Variants in SMPD3 observed in about 807,000 individuals in gnomAD.
The protein encoded by SMPD3 is nSMase-2.
A neutral mutation model predicts 55.7 loss-of-function variants in SMPD3; 21 were observed. The ratio of observed to expected loss-of-function variants is 0.38; its 90% CI spans 0.27 to 0.54. The LOEUF (loss-of-function observed/expected upper bound fraction) is 0.54, where lower values mean the gene tolerates loss of function less well. Among genes scored for constraint, SMPD3 ranks in the 20% least tolerant of loss-of-function variants. The pLI, the probability that SMPD3 is intolerant of heterozygous loss-of-function variation, is 0.80. For missense variants in SMPD3, 842 were observed against 899.6 expected (o/e 0.94, Z 0.82); for synonymous variants, 457 against 404.3 (o/e 1.13, Z -1.56).
At chr16:68,403,824 G>T (rs765987475) in intron 1 of SMPD3, among the ~76,000 whole-genome samples, 2 of 152,158 alleles carry the variant, frequency 1.3e-5, no homozygotes, top group African/African-American at 2.4e-5. Context: ...TGTAATGAAG[G>T]GGAACAGTTC....
chr16:68,372,245 T>G lies in SMPD3; in HGVS notation c.-64A>C. On this transcript the variant is annotated 5_prime_UTR_variant, in exon 3 of 9. Transcript: ENST00000219334. ...GTGTCCGTGGCAGCTGCGGGCACTT[T>G]CCTGGGCGAGGGTGGGCGAGTTGGG... The G allele has an allele frequency of 1.9e-6, 3 of 1,575,364 alleles. No individual in the cohort carries two copies. The highest frequency in any genetic ancestry group is 2.6e-6 in the Non-Finnish European group (3 of 1,161,688).
rs2151974651 is a variant in SMPD3 at position 68,364,872 on chromosome 16, C to A, written c.1434G>T (p.Leu478=). 1 of 1,613,984 alleles carries A rather than the reference C, an allele frequency of 6.2e-7. No homozygotes were observed. The highest frequency in any genetic ancestry group is 2.2e-5 in the East Asian group (1 of 44,876). ...DSAIRCGQLD[L]LQDWLADFRK... ...GGAAATCAGCCAGCCAGTCCTGAAG[C>A]AGGTCCAGCTGCCCACACCGGATGG... is the stretch of plus-strand genomic sequence containing the variant. The change falls in exon 5 of 9, where the codon CTG becomes CTT. Residue 478 remains leucine, a synonymous_variant. Transcript: ENST00000219334.
chr16:68,402,338 A>C (rs1668305568), intron 1 of SMPD3, among the ~76,000 whole-genome samples: 1 of 152,174 alleles, frequency 6.6e-6, no homozygotes, highest in Non-Finnish European at 1.5e-5. Context: ...GCCAGGAGGC[A>C]GGGATTGATT....
chr16:68,400,680 G>A (rs1441679549), intron 1 of SMPD3, among the ~76,000 whole-genome samples: 3 of 152,170 alleles, frequency 2.0e-5, no homozygotes, highest in Non-Finnish European at 4.4e-5. Flanking sequence ...TTTCAGACTG[G>A]CCATGTGTCC....
At chr16:68,410,162 G>A (rs1490411513) in intron 1 of SMPD3, among the ~76,000 whole-genome samples, 2 of 152,206 alleles carry the variant, frequency 1.3e-5, no homozygotes, top group Non-Finnish European at 2.9e-5. Flanking sequence ...AGTACTCAGA[G>A]GACCTGCAGC....
At chr16:68,384,692 AG>A (rs2090018954) in intron 2 of SMPD3, among the ~76,000 whole-genome samples, 1 of 152,140 alleles carries the variant, frequency 6.6e-6, no homozygotes, top group Non-Finnish European at 1.5e-5. Context: ...CCAGGGAATG[AG>A]GGTTCTGTTT....
chr16:68,429,073 T>C (rs2090459636), intron 1 of SMPD3, among the ~76,000 whole-genome samples: 1 of 152,214 alleles, frequency 6.6e-6, no homozygotes, highest in Non-Finnish European at 1.5e-5. Flanking sequence ...ACATGCGCTA[T>C]GGGCTAGGCC....
intron 1 of SMPD3, among the ~76,000 whole-genome samples, chr16:68,394,230 G>A (rs1484344597): frequency 6.6e-6 from 1 of 151,748 alleles, no homozygotes; most frequent in African/African-American, 2.4e-5. Flanking sequence ...CCTACTTTAG[G>A]GCTGTGATAC....
In SMPD3 at chr16:68,420,899, C is replaced by A. The variant is rs557421701; in HGVS notation, c.-269+27454G>T. ...GTCTTCAGCTAATGCAGAGAGAGAC[C>A]AAATCGCTCCCTCAGCAAGCTATGG... On this transcript the variant is annotated intron_variant, in intron 1 of 8. Transcript: ENST00000219334. 1.6e-4 allele frequency among the ~76,000 whole-genome samples: 25 copies of A among 152,312 alleles called. No homozygotes were observed. In the Middle Eastern group the frequency reaches 0.01, roughly 62 times the overall value.
At chr16:68,361,805 G>T in intron 7 of SMPD3, 46 bp from the exon 8 acceptor site, 1 of 1,599,426 alleles carries the variant, frequency 6.3e-7, no homozygotes, top group Middle Eastern at 1.7e-4. Context: ...GCCCGCCCCT[G>T]TGGGCCTGGC....
At chr16:68,403,021 C>T (rs2090224951) in intron 1 of SMPD3, among the ~76,000 whole-genome samples, 2 of 152,212 alleles carry the variant, frequency 1.3e-5, no homozygotes, top group Non-Finnish European at 2.9e-5. Flanking sequence ...CAGGGTGCAG[C>T]ACAGAGTGTC....
At chr16:68,408,345 G>T (rs1216248771) in intron 1 of SMPD3, among the ~76,000 whole-genome samples, 1 of 152,170 alleles carries the variant, frequency 6.6e-6, no homozygotes, top group African/African-American at 2.4e-5. Context: ...GAATTAATGT[G>T]ACTACTGTTA....
rs375428295 is a variant in SMPD3, at chr16:68,371,516, G to C, written c.666C>G (p.Asp222Glu). The change falls in exon 3 of 9, where the codon GAC (aspartate) becomes GAG (glutamate). Residue 222 changes from aspartate (D) to glutamate (E), a missense_variant. By Grantham distance (45) the Asp-to-Glu change is conservative. This residue lies in a region of SMPD3 where 649 missense variants were observed against 643.6 expected (regional missense o/e 1.01). Coordinates refer to ENST00000219334, the MANE Select transcript of SMPD3 (RefSeq NM_018667.4). ...YKGDGGRHPGDEAANGPASGD... is the reference protein window; with the variant it reads ...YKGDGGRHPGEEAANGPASGD... ...CAGAGGCTGGGCCGTTGGCAGCCTCGTCACCGGGGTGCCGCCCACCGTCAC... is the reference window on the plus strand; with the variant it reads ...CAGAGGCTGGGCCGTTGGCAGCCTCCTCACCGGGGTGCCGCCCACCGTCAC... The C allele has an allele frequency of 2.1e-5, 33 of 1,599,574 alleles. No individual in the cohort carries two copies. The highest frequency in any genetic ancestry group is 2.6e-5 in the Non-Finnish European group (31 of 1,179,430).
chr16:68,445,551 A>AT lies in SMPD3; in HGVS notation c.-269+2801dup, dbSNP rs560524966. ...GAGCCCCCCAATAGAAAGATTTGTG[A>AT]TTTTACCTGACAATGCTCACACTCA... On this transcript the variant is annotated intron_variant, in intron 1 of 8. Transcript: ENST00000219334. 3.3e-5 allele frequency among the ~76,000 whole-genome samples: 5 copies of AT among 152,302 alleles called. No homozygotes were observed. The East Asian group carries it at 9.6e-4, about 29-fold the overall frequency.
intron 1 of SMPD3, among the ~76,000 whole-genome samples, chr16:68,430,104 G>A (rs907867665): frequency 1.3e-5 from 2 of 152,066 alleles, no homozygotes; most frequent in African/African-American, 4.8e-5. Flanking sequence ...TTAAAGTGGG[G>A]CCAGGCTTCC....
At chr16:68,420,601 C>A (rs1380698653) in intron 1 of SMPD3, among the ~76,000 whole-genome samples, 1 of 152,208 alleles carries the variant, frequency 6.6e-6, no homozygotes, top group Non-Finnish European at 1.5e-5. Context: ...GGCTCCTAGG[C>A]AGGCCTGCCT....
intron 1 of SMPD3, among the ~76,000 whole-genome samples, chr16:68,446,740 G>A (rs914358985): frequency 2.6e-5 from 4 of 152,142 alleles, no homozygotes; most frequent in Non-Finnish European, 2.9e-5. Context: ...TCTGGACCCT[G>A]GCCCACTCAC....
chr16:68,416,333 C>A (rs2090339338), intron 1 of SMPD3, among the ~76,000 whole-genome samples: 1 of 152,184 alleles, frequency 6.6e-6, no homozygotes, highest in Admixed American at 6.5e-5. Context: ...CTGTGAGCCC[C>A]TTCCCATCTC....
At position 68,359,222 on chromosome 16, in the gene SMPD3, C is replaced by G. The variant is rs776617937; in HGVS notation, c.*1984G>C. On this transcript the variant is annotated 3_prime_UTR_variant, in exon 9 of 9. Coordinates refer to ENST00000219334, the MANE Select transcript of SMPD3 (RefSeq NM_018667.4). ...CGGGGTCTAGGGGTCCAGGGCCGGC[C>G]GGCCCAGTCGCTTGTGTGAGCAGAG... 6.6e-6 allele frequency: 1 copy of G among 152,428 alleles called. No homozygotes were observed. Among genetic ancestry groups the G allele is most frequent in the Non-Finnish European group, 1.5e-5 (1 of 68,198 alleles). The allele number at this position is 152,428 out of a possible 1,614,324, so 9.4% of individuals were successfully genotyped here.
Sources: allele counts gnomAD v4.1 joint callset (sites outside exome capture counted in the v4.1 genomes callset), GRCh38; gene constraint gnomAD v4.1.1; regional missense constraint gnomAD v4.1.1; transcripts MANE v1.5; gene names NCBI Gene and HGNC (gene_info 2026-07-23, HGNC 2026-07-21).